ACACA: variants seen among roughly 807,000 people sequenced by gnomAD.
The protein encoded by ACACA is acetyl-CoA carboxylase 1.
Under a neutral mutation model 296.1 loss-of-function variants are expected in ACACA, and 103 were observed. The observed-to-expected ratio is 0.35, with a 90% CI of 0.30 to 0.41. The LOEUF is 0.41. Ranked by LOEUF, ACACA falls within the 10% of genes least tolerant of loss-of-function variation. The probability of loss-of-function intolerance (pLI) is 1.00; values close to 1 mark genes in which losing one functional copy is unlikely to be tolerated. For synonymous variants in ACACA, 953 were observed against 1,038.6 expected (o/e 0.92, Z 1.58); for missense variants, 1,554 against 2,989.7 (o/e 0.52, Z 11.20).
In ACACA at chr17:37,143,850, C is replaced by T. The variant is rs868656245; in HGVS notation, c.5679+6014G>A. 122 of 1,535,922 alleles carry T rather than the reference C, an allele frequency of 7.9e-5. No homozygotes were observed. The African/African-American group carries it at 1.3e-3, about 16-fold the overall frequency. ...CCTTTTCGTATTTTTCCTTCAGCTT[C>T]GCAGCCTTCTTTTCATAAGGCTGCT... On this transcript the variant is annotated intron_variant, in intron 45 of 55. Coordinates refer to ENST00000616317, the MANE Select transcript of ACACA (RefSeq NM_198834.3).
intron 1 of ACACA, among the ~76,000 whole-genome samples, chr17:37,344,387 GT>G (rs1479261944): frequency 6.6e-6 from 1 of 151,706 alleles, no homozygotes; most frequent in African/African-American, 2.4e-5. Flanking sequence ...GTGAAACCCA[GT>G]CTCTACTAAA....
intron 52 of ACACA, among the ~76,000 whole-genome samples, chr17:37,100,091 ACTCT>A (rs1459054642): frequency 6.6e-6 from 1 of 152,124 alleles, no homozygotes; most frequent in Admixed American, 6.5e-5. Flanking sequence ...GAAAGGGAAC[ACTCT>A]CTCTTCCAGC....
chr17:37,321,012 T>C (rs915521350), intron 3 of ACACA, among the ~76,000 whole-genome samples: 1 of 152,120 alleles, frequency 6.6e-6, no homozygotes, highest in Non-Finnish European at 1.5e-5. Flanking sequence ...GGGATTGTTT[T>C]GATAATTCAG....
rs775966471 is a variant in ACACA at position 37,258,194 on chromosome 17, T to A, written c.1662+18A>T. On this transcript the variant is annotated intron_variant, in intron 13 of 55. Coordinates refer to ENST00000616317, the MANE Select transcript of ACACA (RefSeq NM_198834.3). ...AGTTCATTAAAAGGAGGTATAAACCTTTTAAGTGATGGGTTACCTCATCTG... is the reference window on the plus strand; with the variant it reads ...AGTTCATTAAAAGGAGGTATAAACCATTTAAGTGATGGGTTACCTCATCTG... 1.9e-6 allele frequency: 3 copies of A among 1,613,660 alleles called. No homozygotes were observed. Among genetic ancestry groups the A allele is most frequent in the Non-Finnish European group, 2.5e-6 (3 of 1,179,566 alleles).
intron 43 of ACACA, among the ~76,000 whole-genome samples, chr17:37,152,702 A>G (rs556943101): frequency 6.6e-5 from 10 of 152,312 alleles, no homozygotes; most frequent in Admixed American, 5.9e-4. Flanking sequence ...TAATAAAAGA[A>G]AGGAAAAATA....
At chr17:37,355,479 A>G (rs551662326) in intron 1 of ACACA, among the ~76,000 whole-genome samples, 1 of 142,556 alleles carries the variant, frequency 7.0e-6, no homozygotes, top group South Asian at 2.3e-4. Context: ...TCGCTTGCAC[A>G]TGGGAGGTGG....
chr17:37,315,679 C>T (rs1423771890), intron 3 of ACACA, among the ~76,000 whole-genome samples: 1 of 152,148 alleles, frequency 6.6e-6, no homozygotes, highest in Non-Finnish European at 1.5e-5. Context: ...AAGGATACAA[C>T]TCAGGAACTC....
rs1336024613 is a variant in ACACA, at chr17:37,173,021, T to G, written c.5079+6239A>C. 3.3e-5 allele frequency among the ~76,000 whole-genome samples: 5 copies of G among 152,172 alleles called. No individual in the cohort carries two copies. The South Asian group carries it at 1.0e-3, about 31-fold the overall frequency. Reference sequence around the variant, plus strand: ...CTATACACAGCATGAAAAGGCAAACTGATTTCAAAAGAATGAAACAAAAGC... The same window carrying G: ...CTATACACAGCATGAAAAGGCAAACGGATTTCAAAAGAATGAAACAAAAGC... On this transcript the variant is annotated intron_variant, in intron 41 of 55. Coordinates refer to ENST00000616317, the MANE Select transcript of ACACA (RefSeq NM_198834.3).
intron 26 of ACACA, 185 bp from the exon 27 acceptor site, chr17:37,225,290 A>G (rs2079492007): frequency 3.5e-6 from 2 of 565,130 alleles, no homozygotes; most frequent in Admixed American, 2.8e-5. Context: ...CAAATACTGA[A>G]TCTCAGTTGA....
intron 1 of ACACA, among the ~76,000 whole-genome samples, chr17:37,374,541 C>T (rs1568070145): frequency 5.3e-5 from 8 of 152,182 alleles, no homozygotes; most frequent in Non-Finnish European, 1.5e-5. Flanking sequence ...CCCGCCTCAG[C>T]CACCCAAAGT....
intron 1 of ACACA, among the ~76,000 whole-genome samples, chr17:37,362,163 T>C (rs946115129): frequency 9.9e-5 from 15 of 152,202 alleles, no homozygotes; most frequent in African/African-American, 2.7e-4. Flanking sequence ...TGCTGACACC[T>C]TAATCTTGGA....
rs569319054 is a variant in ACACA at position 37,200,088 on chromosome 17, G to A, written c.4158+51C>T. On this transcript the variant is annotated intron_variant, in intron 35 of 55. Coordinates refer to ENST00000616317, the MANE Select transcript of ACACA (RefSeq NM_198834.3). The stretch of plus-strand genomic sequence containing the variant: ...ATATATTCTGGTTAAATAATCAGTG[G>A]CAGACAAATAAAACAGTAAGTAATC... 6.2e-5 allele frequency: 83 copies of A among 1,333,070 alleles called. No homozygotes were observed. The South Asian group carries it at 9.4e-4, about 15-fold the overall frequency. 82.6% of individuals were successfully genotyped at this position (1,333,070 alleles called of 1,614,324 possible). A position where few individuals can be genotyped will look rare whatever the true frequency, so the allele number is the denominator to read the frequency against.
chr17:37,167,274 T>C (rs1473233690), intron 41 of ACACA, among the ~76,000 whole-genome samples: 2 of 146,340 alleles, frequency 1.4e-5, no homozygotes, highest in Non-Finnish European at 3.0e-5. Context: ...TATTTTCTTT[T>C]TTTTTTTTTT....
At chr17:37,209,899 C>T (rs1271928438) in intron 30 of ACACA, among the ~76,000 whole-genome samples, 1 of 152,122 alleles carries the variant, frequency 6.6e-6, no homozygotes, top group Admixed American at 6.5e-5. Flanking sequence ...CAGGGTTAAA[C>T]ACATCAAAAC....
Position 37,086,507 on chromosome 17 carries a change from G to A in ACACA, c.*809C>T, listed in dbSNP as rs1235043775. 1 of 152,358 alleles carries A rather than the reference G, an allele frequency of 6.6e-6. No homozygotes were observed. Among genetic ancestry groups the A allele is most frequent in the Non-Finnish European group, 1.5e-5 (1 of 68,148 alleles). 9.4% of individuals were successfully genotyped at this position (152,358 alleles called of 1,614,324 possible). ...AGGCTTCACCACCTGTGGAACTGCT[G>A]GGGCCCCTCAAGCACTGGCCTTGCA... On this transcript the variant is annotated 3_prime_UTR_variant, in exon 56 of 56. Transcript: ENST00000616317.
intron 5 of ACACA, among the ~76,000 whole-genome samples, chr17:37,280,730 AACACACAC>A (rs71979048): frequency 2.3e-4 from 33 of 146,464 alleles, no homozygotes; most frequent in South Asian, 6.6e-4. Flanking sequence ...TTACATAGTT[AACACACAC>A]ACACACACAC....
At chr17:37,105,334 A>G (rs998245978) in intron 52 of ACACA, among the ~76,000 whole-genome samples, 1 of 152,228 alleles carries the variant, frequency 6.6e-6, no homozygotes, top group African/African-American at 2.4e-5. Flanking sequence ...TAAAAAAGTT[A>G]TACTTGGTGG....
chr17:37,141,449 G>A, intron 45 of ACACA: 1 of 294,592 alleles, frequency 3.4e-6, no homozygotes, highest in East Asian at 8.9e-5. Context: ...ATTTTGTAGA[G>A]GGGGTCTTGC....
chr17:37,128,233 T>C (rs1314581733), intron 47 of ACACA, among the ~76,000 whole-genome samples: 4 of 152,118 alleles, frequency 2.6e-5, no homozygotes, highest in African/African-American at 9.7e-5. Context: ...AGAAAAACAA[T>C]GTAATAGCTA....
Sources: gnomAD v4.1 joint callset for allele counts (sites outside exome capture counted in the v4.1 genomes callset) on GRCh38, gnomAD v4.1.1 for gene constraint, MANE v1.5 for transcripts, NCBI Gene and HGNC (gene_info 2026-07-23, HGNC 2026-07-21) for gene names.